The following ENTREP2 variants were observed in gnomAD, a reference collection of about 807,000 sequenced individuals.
The protein encoded by ENTREP2 is endosomal transmembrane epsin interactor 2, also known as protein ENTREP2.
the ENTREP2 span, among the ~76,000 whole-genome samples, chr15:29,388,484 C>T: frequency 6.6e-5 from 10 of 152,190 alleles, no homozygotes; most frequent in African/African-American, 1.4e-4. Flanking sequence ...CCGGAGAGGA[C>T]GTAGAGAAAT....
chr15:29,128,374 C>T, the ENTREP2 span, among the ~76,000 whole-genome samples: 1 of 152,156 alleles, frequency 6.6e-6, no homozygotes, highest in Admixed American at 6.5e-5. Context: ...CCTGCACCCT[C>T]CTGCCAGCCG....
chr15:29,558,109 C>A, the ENTREP2 span, among the ~76,000 whole-genome samples: 1 of 152,270 alleles, frequency 6.6e-6, no homozygotes, highest in African/African-American at 2.4e-5. Flanking sequence ...CCTGTGCCAG[C>A]GGATACCTGC....
At chr15:29,205,979 G>C in the ENTREP2 span, among the ~76,000 whole-genome samples, 1 of 152,174 alleles carries the variant, frequency 6.6e-6, no homozygotes, top group Admixed American at 6.5e-5. Flanking sequence ...CCTGCTTTCT[G>C]AGCAATGCCA....
the ENTREP2 span, among the ~76,000 whole-genome samples, chr15:29,236,674 A>G: frequency 6.6e-6 from 1 of 152,170 alleles, no homozygotes; most frequent in Admixed American, 6.5e-5. Flanking sequence ...AAAAAGAGAA[A>G]TTGAATTCAT....
the ENTREP2 span, among the ~76,000 whole-genome samples, chr15:29,585,855 CAAAA>C: frequency 1.3e-4 from 14 of 110,870 alleles, no homozygotes; most frequent in African/African-American, 4.9e-4. Context: ...GACTCTGTCT[CAAAA>C]AAAAAAAAAA....
the ENTREP2 span, among the ~76,000 whole-genome samples, chr15:29,593,411 T>G: frequency 2.0e-5 from 3 of 152,100 alleles, no homozygotes; most frequent in Admixed American, 2.0e-4. Context: ...AACATCCCCG[T>G]GACAACTCCC....
At chr15:29,118,809 C>CT in the ENTREP2 span, among the ~76,000 whole-genome samples, 39 of 115,574 alleles carry the variant, frequency 3.4e-4, no homozygotes, top group Admixed American at 3.3e-3. Flanking sequence ...CAGCACTTAC[C>CT]TTTCTTCATG....
At chr15:29,487,148 A>T in the ENTREP2 span, among the ~76,000 whole-genome samples, 1 of 152,222 alleles carries the variant, frequency 6.6e-6, no homozygotes, top group Non-Finnish European at 1.5e-5. Context: ...TATCCCATAA[A>T]TATGTACAGT....
the ENTREP2 span, among the ~76,000 whole-genome samples, chr15:29,400,753 A>C: frequency 1.3e-5 from 2 of 152,390 alleles, no homozygotes; most frequent in African/African-American, 4.8e-5. Context: ...GGCTAAAAAA[A>C]CCCACATTTG....
chr15:29,656,701 T>C, the ENTREP2 span, among the ~76,000 whole-genome samples: 1 of 152,242 alleles, frequency 6.6e-6, no homozygotes, highest in Non-Finnish European at 1.5e-5. Flanking sequence ...CACCACCAAA[T>C]GCTCGCAAGG....
chr15:29,326,553 G>T, the ENTREP2 span, among the ~76,000 whole-genome samples: 1 of 151,996 alleles, frequency 6.6e-6, no homozygotes, highest in Admixed American at 6.5e-5. Flanking sequence ...AAACTCAAAT[G>T]AAAGAGTTCA....
the ENTREP2 span, among the ~76,000 whole-genome samples, chr15:29,400,488 T>C: frequency 2.6e-5 from 4 of 151,962 alleles, no homozygotes; most frequent in Admixed American, 2.0e-4. Flanking sequence ...CTAATTAAAA[T>C]ACCAAAAAGG....
chr15:29,196,169 C>T, the ENTREP2 span, among the ~76,000 whole-genome samples: 1 of 152,156 alleles, frequency 6.6e-6, no homozygotes, highest in African/African-American at 2.4e-5. Context: ...AGACCTCTTT[C>T]AACCATTTGC....
At chr15:29,517,902 T>C in the ENTREP2 span, among the ~76,000 whole-genome samples, 4 of 152,318 alleles carry the variant, frequency 2.6e-5, no homozygotes, top group African/African-American at 7.2e-5. Flanking sequence ...CTAATTAACA[T>C]GTCCATTACC....
At chr15:29,237,066 T>C in the ENTREP2 span, among the ~76,000 whole-genome samples, 1 of 152,322 alleles carries the variant, frequency 6.6e-6, no homozygotes, top group East Asian at 1.9e-4. Context: ...ATAAAACTGA[T>C]TAACATTTGA....
chr15:29,373,091 G>C, the ENTREP2 span, among the ~76,000 whole-genome samples: 1 of 151,454 alleles, frequency 6.6e-6, no homozygotes, highest in African/African-American at 2.4e-5. Context: ...AAAATTAAAA[G>C]ACAAACAAAC....
At chr15:29,138,702 C>CGT in the ENTREP2 span, among the ~76,000 whole-genome samples, 208 of 149,344 alleles carry the variant, frequency 1.4e-3, no homozygotes, top group East Asian at 2.6e-3. Flanking sequence ...TGTGTGTATG[C>CGT]GTGTGTGTGT....
the ENTREP2 span, among the ~76,000 whole-genome samples, chr15:29,655,052 C>T: frequency 6.6e-6 from 1 of 152,144 alleles, no homozygotes; most frequent in Non-Finnish European, 1.5e-5. Context: ...TGCTGCTGCA[C>T]CATCTCAACA....
chr15:29,499,844 T>C, the ENTREP2 span, among the ~76,000 whole-genome samples: 2 of 152,130 alleles, frequency 1.3e-5, no homozygotes, highest in Non-Finnish European at 2.9e-5. Flanking sequence ...CTGTATGCTG[T>C]CTACAAGAGA....
Sources: gnomAD v4.1 joint callset for allele counts (sites outside exome capture counted in the v4.1 genomes callset) on GRCh38, gnomAD v4.1.1 for gene constraint, MANE v1.5 for transcripts, NCBI Gene and HGNC (gene_info 2026-07-23, HGNC 2026-07-21) for gene names.